The following CEP112 variants were observed in gnomAD, a reference collection of about 807,000 sequenced individuals.
The protein encoded by CEP112 is centrosomal protein of 112 kDa.
CEP112 carries 127 observed loss-of-function variants against 153.0 expected under a neutral mutation model. The ratio of observed to expected loss-of-function variants is 0.83; its 90% CI spans 0.72 to 0.96. The LOEUF is 0.96. Ranked by LOEUF, CEP112 falls within the 40% of genes least tolerant of loss-of-function variation. The pLI is 0.00. For missense variants in CEP112, 1,089 were observed against 1,101.2 expected (o/e 0.99, Z 0.16); for synonymous variants, 358 against 374.4 (o/e 0.96, Z 0.51).
chr17:65,736,115 T>TGA (rs1423888848), intron 23 of CEP112, among the ~76,000 whole-genome samples: 1 of 152,146 alleles, frequency 6.6e-6, no homozygotes, highest in Non-Finnish European at 1.5e-5. Flanking sequence ...TCAAAGATGA[T>TGA]GATGATCTGA....
chr17:65,994,474 C>T (rs1262601636), intron 17 of CEP112, among the ~76,000 whole-genome samples: 1 of 152,106 alleles, frequency 6.6e-6, no homozygotes, highest in East Asian at 1.9e-4. Flanking sequence ...ACTATAGAGG[C>T]ATGTGCCACC....
chr17:66,008,350 C>G (rs1403163794), intron 16 of CEP112, among the ~76,000 whole-genome samples: 1 of 151,972 alleles, frequency 6.6e-6, no homozygotes, highest in African/African-American at 2.4e-5. Flanking sequence ...ATACTTATTC[C>G]TCCTGTCTAA....
intron 18 of CEP112, among the ~76,000 whole-genome samples, chr17:65,936,543 A>G (rs1379802568): frequency 6.6e-6 from 1 of 152,192 alleles, no homozygotes; most frequent in Non-Finnish European, 1.5e-5. Context: ...ATAAAAAAAC[A>G]AAACCCAGAA....
chr17:66,005,702 T>C lies in CEP112; in HGVS notation c.1724A>G (p.Glu575Gly), dbSNP rs1361301779. 1.2e-6 allele frequency: 2 copies of C among 1,610,136 alleles called. No individual in the cohort carries two copies. The highest frequency in any genetic ancestry group is 2.2e-5 in the South Asian group (2 of 90,432). ...CAATTTTACTCACTTCAAAGCTTCCTCAAATTTATGAATTTTCTTTTGAGT... is the reference window on the plus strand; with the variant it reads ...CAATTTTACTCACTTCAAAGCTTCCCCAAATTTATGAATTTTCTTTTGAGT... ...EDTQKKIHKF[E>G]EALKEKEEQL... is the part of the protein sequence containing the mutation. The change falls in exon 17 of 27, where the codon GAG becomes GGG. Residue 575 changes from glutamate to glycine, a missense_variant. Coordinates refer to ENST00000535342, the MANE Select transcript of CEP112 (RefSeq NM_001199165.4).
intron 21 of CEP112, among the ~76,000 whole-genome samples, chr17:65,762,283 A>AT (rs941695522): frequency 3.3e-5 from 5 of 151,572 alleles, no homozygotes; most frequent in African/African-American, 9.7e-5. Flanking sequence ...TATGGTATAT[A>AT]TTTTTTTTGA....
At chr17:65,916,165 C>T (rs2060471359) in intron 19 of CEP112, among the ~76,000 whole-genome samples, 1 of 151,960 alleles carries the variant, frequency 6.6e-6, no homozygotes, top group Non-Finnish European at 1.5e-5. Flanking sequence ...GTAGCCCTTT[C>T]ACTCACAAAC....
chr17:66,110,917 A>C (rs1026060928), intron 6 of CEP112, among the ~76,000 whole-genome samples: 6 of 152,324 alleles, frequency 3.9e-5, no homozygotes, highest in East Asian at 3.9e-4. Flanking sequence ...AACTATCAAG[A>C]GAGTAAACAG....
chr17:66,180,900 G>A (rs574323100), intron 2 of CEP112, among the ~76,000 whole-genome samples: 4 of 152,150 alleles, frequency 2.6e-5, no homozygotes, highest in African/African-American at 9.6e-5. Context: ...ATCATTTCAG[G>A]TTGGAAACTT....
At chr17:65,898,307 C>T (rs1387027520) in intron 20 of CEP112, among the ~76,000 whole-genome samples, 1 of 152,016 alleles carries the variant, frequency 6.6e-6, no homozygotes, top group East Asian at 1.9e-4. Flanking sequence ...TGTTCAAGCC[C>T]CTGGATGCAG....
At chr17:66,152,551 T>C (rs900417451) in intron 4 of CEP112, among the ~76,000 whole-genome samples, 6 of 152,124 alleles carry the variant, frequency 3.9e-5, no homozygotes, top group South Asian at 2.1e-4. Context: ...CAAGCAAACT[T>C]TGGACACTGC....
intron 8 of CEP112, among the ~76,000 whole-genome samples, chr17:66,088,473 C>T (rs1240735968): frequency 1.3e-5 from 2 of 151,896 alleles, no homozygotes; most frequent in Admixed American, 1.3e-4. Flanking sequence ...CAGACTCAGC[C>T]TCCATGCTGG....
Position 66,129,802 on chromosome 17 carries a change from G to T in CEP112, c.586C>A (p.Pro196Thr). The stretch of plus-strand genomic sequence containing the variant: ...ATGTCACTATCATCCAAAGAAACAG[G>T]AGATTTTTTCGAATAAACTTCCTGA... ...KICEVYSKKS[P>T]VSLDDSDIEA... The change falls in exon 6 of 27, where the codon CCT (proline) becomes ACT (threonine). Residue 196 changes from proline to threonine, a missense_variant. By Grantham distance (38) the Pro-to-Thr change is conservative (BLOSUM62 -1). Coordinates refer to ENST00000535342, the MANE Select transcript of CEP112 (RefSeq NM_001199165.4). 1 of 1,611,412 alleles carries T rather than the reference G, an allele frequency of 6.2e-7. No homozygotes were observed. The highest frequency in any genetic ancestry group is 8.5e-7 in the Non-Finnish European group (1 of 1,178,722).
chr17:66,175,069 C>A lies in CEP112; in HGVS notation c.445G>T (p.Val149Leu), dbSNP rs541061256. 1.2e-6 allele frequency: 2 copies of A among 1,611,166 alleles called. No homozygotes were observed. Among genetic ancestry groups the A allele is most frequent in the Non-Finnish European group, 1.7e-6 (2 of 1,178,734 alleles). Residue 149 changes from valine (V) to leucine (L), a missense_variant, in exon 4 of 27, where the codon GTA (valine) becomes TTA (leucine). Val to Leu is a conservative substitution (Grantham distance 32). Transcript: ENST00000535342. ...CTGTAGACATCAGTTGGCGACTGTA[C>A]TAAAGTGTTATCTTCTCCAGAAGAG... ...KLSSGEDNTLVQSPTDVYSRE... is the reference protein window; with the variant it reads ...KLSSGEDNTLLQSPTDVYSRE...
chr17:66,021,821 G>A lies in CEP112; in HGVS notation c.1656+5680C>T, dbSNP rs530735770. Among the ~76,000 whole-genome samples the A allele has an allele frequency of 2.3e-3, 344 of 151,662 alleles. 2 individuals are homozygous for A. The highest frequency in any genetic ancestry group is 7.1e-3 in the African/African-American group (296 of 41,544). ...CCACTGAGACTGAGCACAGGACCCA[G>A]TCCACTGAATATTCCATGGCCCAGC... On this transcript the variant is annotated intron_variant, in intron 16 of 26. Transcript: ENST00000535342.
At chr17:65,958,078 T>C (rs1035361828) in intron 18 of CEP112, among the ~76,000 whole-genome samples, 2 of 152,240 alleles carry the variant, frequency 1.3e-5, no homozygotes, top group Non-Finnish European at 2.9e-5. Context: ...AGTAGATTTG[T>C]AACAATTATT....
intron 16 of CEP112, among the ~76,000 whole-genome samples, chr17:66,023,690 C>T (rs923529054): frequency 6.6e-6 from 1 of 151,864 alleles, no homozygotes; most frequent in Non-Finnish European, 1.5e-5. Flanking sequence ...TAAATAGCAA[C>T]ATGACAAAAC....
chr17:66,131,217 C>A (rs1021637260), intron 5 of CEP112, among the ~76,000 whole-genome samples: 6 of 151,978 alleles, frequency 3.9e-5, no homozygotes, highest in African/African-American at 1.5e-4. Flanking sequence ...ATTTATAATA[C>A]TATATTAAAA....
intron 17 of CEP112, among the ~76,000 whole-genome samples, chr17:65,968,151 G>A (rs983780562): frequency 1.3e-4 from 19 of 151,934 alleles, no homozygotes; most frequent in African/African-American, 4.6e-4. Flanking sequence ...TAAATATTCT[G>A]GAATAGGTGA....
At chr17:65,744,246 T>C (rs1220404382) in intron 22 of CEP112, among the ~76,000 whole-genome samples, 1 of 151,516 alleles carries the variant, frequency 6.6e-6, no homozygotes, top group Non-Finnish European at 1.5e-5. Context: ...TTTGTTTGTT[T>C]GTTTGTTTGT....
Sources: allele counts gnomAD v4.1 joint callset (sites outside exome capture counted in the v4.1 genomes callset), GRCh38; gene constraint gnomAD v4.1.1; transcripts MANE v1.5; gene names NCBI Gene and HGNC (gene_info 2026-07-23, HGNC 2026-07-21).